The following ERICH6B variants were observed in gnomAD, a reference collection of about 807,000 sequenced individuals.
The protein encoded by ERICH6B is glutamate-rich protein 6B.
In ERICH6B, 69 loss-of-function variants were observed where a neutral mutation model predicts 80.0. The observed-to-expected ratio is 0.86, with a 90% confidence interval of 0.71 to 1.05. The LOEUF (loss-of-function observed/expected upper bound fraction) is 1.05. Ranked by LOEUF, ERICH6B falls within the 50% of genes least tolerant of loss-of-function variation. The pLI, the probability that ERICH6B is intolerant of heterozygous loss-of-function variation, is 0.00. For synonymous variants in ERICH6B, 283 were observed against 291.9 expected (o/e 0.97, Z 0.31); for missense variants, 754 against 796.1 (o/e 0.95, Z 0.64).
intron 9 of ERICH6B, among the ~76,000 whole-genome samples, chr13:45,566,849 C>T (rs770904707): frequency 2.0e-5 from 3 of 152,202 alleles, no homozygotes; most frequent in Non-Finnish European, 2.9e-5. Flanking sequence ...GTCCTCCAGA[C>T]CCCAGAATGG....
Position 45,541,641 on chromosome 13 carries a change from T to G in ERICH6B, c.1912A>C (p.Thr638Pro). ...GGGCCGGGTTCTGCCTCCAGGATGG[T>G]TTTCTTCTTCATTTCGCTCAGCACC... ...PEVLSEMKKK[T>P]ILEAEPGPTA... Residue 638 changes from threonine to proline, a missense_variant, in exon 15 of 15, where the codon ACC becomes CCC. Transcript: ENST00000298738. 6.4e-7 allele frequency: 1 copy of G among 1,551,090 alleles called. No individual in the cohort carries two copies.
chr13:45,595,121 C>T (rs1172375096), intron 3 of ERICH6B, among the ~76,000 whole-genome samples: 1 of 152,134 alleles, frequency 6.6e-6, no homozygotes, highest in African/African-American at 2.4e-5. Flanking sequence ...TTAAGGGGGC[C>T]GAATGGGTAT....
intron 3 of ERICH6B, among the ~76,000 whole-genome samples, chr13:45,595,906 A>G (rs534827766): frequency 9.2e-5 from 14 of 152,150 alleles, no homozygotes; most frequent in Non-Finnish European, 1.9e-4. Flanking sequence ...TGGCCTCCCA[A>G]ACTGCTGGGA....
rs1566303414 is a variant in ERICH6B at position 45,596,352 on chromosome 13, C to T, written c.637+17G>A. 6.5e-7 allele frequency: 1 copy of T among 1,541,348 alleles called. No individual in the cohort carries two copies. The highest frequency in any genetic ancestry group is 1.2e-5 in the South Asian group (1 of 82,122). The stretch of plus-strand genomic sequence containing the variant: ...ACTTTTCCTCCCATAGATGCTCTCC[C>T]TCCTCCAGATACTCACCTTTCAGAT... On this transcript the variant is annotated intron_variant, in intron 3 of 14. Coordinates refer to ENST00000298738, the MANE Select transcript of ERICH6B (RefSeq NM_182542.3).
At chr13:45,593,347 A>G (rs903762181) in intron 3 of ERICH6B, among the ~76,000 whole-genome samples, 1 of 152,178 alleles carries the variant, frequency 6.6e-6, no homozygotes, top group African/African-American at 2.4e-5. Flanking sequence ...TTCACAAAGC[A>G]GGTAATGTGG....
intron 14 of ERICH6B, among the ~76,000 whole-genome samples, chr13:45,543,174 C>T (rs1207762136): frequency 6.6e-6 from 1 of 152,078 alleles, no homozygotes; most frequent in African/African-American, 2.4e-5. Flanking sequence ...GGAAGAGAAC[C>T]TTGCTTAGGC....
At chr13:45,578,249 C>T (rs1366450482) in intron 7 of ERICH6B, among the ~76,000 whole-genome samples, 1 of 152,176 alleles carries the variant, frequency 6.6e-6, no homozygotes, top group Admixed American at 6.5e-5. Context: ...TCAGAATTCC[C>T]CATGCCCCTG....
Position 45,580,583 on chromosome 13 carries a change from A to C in ERICH6B, c.919+20T>G. ...GATGACTAACTTCTACAGATCATTT[A>C]AAATCATCATAAACTTTACCTTCCG... is the stretch of plus-strand genomic sequence containing the variant. On this transcript the variant is annotated intron_variant, in intron 6 of 14. Transcript: ENST00000298738. 2 of 1,550,930 alleles carry C rather than the reference A, an allele frequency of 1.3e-6. No homozygotes were observed. Among genetic ancestry groups the C allele is most frequent in the Non-Finnish European group, 1.7e-6 (2 of 1,146,298 alleles).
intron 1 of ERICH6B, among the ~76,000 whole-genome samples, chr13:45,613,863 G>T (rs1312004913): frequency 6.6e-6 from 1 of 152,188 alleles, no homozygotes; most frequent in Non-Finnish European, 1.5e-5. Flanking sequence ...GAAGAGGCCG[G>T]TAAACCACTA....
At chr13:45,559,302 T>G (rs1874569538) in intron 11 of ERICH6B, among the ~76,000 whole-genome samples, 1 of 152,198 alleles carries the variant, frequency 6.6e-6, no homozygotes, top group Non-Finnish European at 1.5e-5. Context: ...CTTCTTTTCT[T>G]GGTTAATCTT....
At chr13:45,548,667 G>T (rs1405223665) in intron 13 of ERICH6B, among the ~76,000 whole-genome samples, 4 of 152,136 alleles carry the variant, frequency 2.6e-5, no homozygotes. Context: ...ACTGAGAGGG[G>T]GAGCTCTTCC....
intron 5 of ERICH6B, among the ~76,000 whole-genome samples, chr13:45,581,189 G>GTA (rs891780715): frequency 1.3e-5 from 2 of 152,102 alleles, no homozygotes; most frequent in Non-Finnish European, 2.9e-5. Flanking sequence ...GGAAGCTACT[G>GTA]TATATATATA....
chr13:45,612,807 T>C, intron 1 of ERICH6B, among the ~76,000 whole-genome samples: 1 of 152,074 alleles, frequency 6.6e-6, no homozygotes, highest in East Asian at 1.9e-4. Flanking sequence ...AGGCATAGAA[T>C]CAGAGAGGAA....
At chr13:45,564,541 CCA>C (rs1171723529) in intron 9 of ERICH6B, among the ~76,000 whole-genome samples, 1 of 152,174 alleles carries the variant, frequency 6.6e-6, no homozygotes, top group East Asian at 1.9e-4. Flanking sequence ...TTAATTTAGC[CCA>C]GAGTAACTCC....
intron 13 of ERICH6B, among the ~76,000 whole-genome samples, chr13:45,548,801 A>G (rs980949697): frequency 2.0e-5 from 3 of 152,170 alleles, no homozygotes; most frequent in South Asian, 2.1e-4. Flanking sequence ...AGCATTTTCT[A>G]TACACAAGGC....
At chr13:45,571,371 A>AT (rs879783268) in intron 8 of ERICH6B, among the ~76,000 whole-genome samples, 38 of 145,764 alleles carry the variant, frequency 2.6e-4, no homozygotes, top group South Asian at 6.5e-4. Flanking sequence ...CCCTCCAACC[A>AT]TTTTTTTTTT....
At chr13:45,599,164 T>C (rs895278753) in intron 2 of ERICH6B, among the ~76,000 whole-genome samples, 4 of 152,164 alleles carry the variant, frequency 2.6e-5, no homozygotes, top group Middle Eastern at 3.2e-3. Flanking sequence ...TGGGAAATAA[T>C]TGACTGAAAG....
intron 2 of ERICH6B, among the ~76,000 whole-genome samples, chr13:45,605,848 G>T (rs1949856628): frequency 1.3e-5 from 2 of 152,364 alleles, no homozygotes; most frequent in East Asian, 1.9e-4. Flanking sequence ...ACAGAAAAAG[G>T]TATTTTCCTT....
chr13:45,574,820 C>A, intron 8 of ERICH6B, 22 bp downstream of exon 8: 1 of 1,510,110 alleles, frequency 6.6e-7, no homozygotes, highest in South Asian at 1.2e-5. Context: ...GGGGGGGGGT[C>A]TCAAGTTTTT....
Sources: allele counts gnomAD v4.1 joint callset (sites outside exome capture counted in the v4.1 genomes callset), GRCh38; gene constraint gnomAD v4.1.1; transcripts MANE v1.5; gene names NCBI Gene and HGNC (gene_info 2026-07-23, HGNC 2026-07-21).